The following PKHD1 variants were observed in gnomAD, a reference collection of about 807,000 sequenced individuals.
The protein encoded by PKHD1 is fibrocystin.
Under a neutral mutation model 412.0 loss-of-function variants are expected in PKHD1, and 291 were observed. That is an observed-to-expected ratio of 0.71 (90% CI 0.64 to 0.78). The LOEUF is 0.78. Among genes scored for constraint, PKHD1 ranks in the 30% least tolerant of loss-of-function variants. PKHD1 has a pLI of 0.00. For missense variants in PKHD1, 4,825 were observed against 4,950.7 expected, an observed-to-expected ratio of 0.97 and a Z score of 0.76; for synonymous variants, 1,777 against 1,821.5, an observed-to-expected ratio of 0.98 and a Z score of 0.62.
In PKHD1 at chr6:51,906,226, G is replaced by A. The variant is rs755286726; in HGVS notation, c.6797C>T (p.Ala2266Val). ...CTTGTTTTACTTACCAACTAGCAGC[G>A]CATGACCTAAAATATTGTAGAATAC... ...SNVFYNILGH[A>V]LLVGTCTEMR... The change falls in exon 41 of 67, where the codon GCG becomes GTG. Residue 2266 changes from alanine to valine, a missense_variant. By Grantham distance (64) the Ala-to-Val change is moderately conservative (BLOSUM62 0). Coordinates refer to ENST00000371117, the MANE Select transcript of PKHD1 (RefSeq NM_138694.4). The A allele has an allele frequency of 4.0e-5, 64 of 1,611,388 alleles. No individual in the cohort carries two copies. Among genetic ancestry groups the A allele is most frequent in the South Asian group, 2.0e-4 (18 of 91,036 alleles).
intron 35 of PKHD1, among the ~76,000 whole-genome samples, chr6:51,993,745 T>TG (rs1797332403): frequency 1.3e-5 from 2 of 152,140 alleles, no homozygotes; most frequent in African/African-American, 4.8e-5. Context: ...CAAAGTTAAT[T>TG]GGGGGATGAT....
chr6:51,729,700 C>A (rs1241339955), intron 60 of PKHD1, among the ~76,000 whole-genome samples: 1 of 152,058 alleles, frequency 6.6e-6, no homozygotes, highest in Non-Finnish European at 1.5e-5. Context: ...CCACATTTTC[C>A]CCAACACTGC....
intron 60 of PKHD1, among the ~76,000 whole-genome samples, chr6:51,732,440 A>T (rs1199367798): frequency 6.6e-6 from 1 of 152,212 alleles, no homozygotes; most frequent in South Asian, 2.1e-4. Context: ...AAGATTCAAC[A>T]ATAACAAAAA....
rs760921148 is a variant in PKHD1 at position 51,903,989 on chromosome 6, CT to C, written c.6861del (p.Asp2288MetfsTer9). 6.4e-7 allele frequency: 1 copy of C among 1,569,026 alleles called. No individual in the cohort carries two copies. Among genetic ancestry groups the C allele is most frequent in the African/African-American group, 1.4e-5 (1 of 73,880 alleles). ...YISWEAIHGR[K>X]DDWSGHGNII... ...TAAAATCAATTTACATATTTACCAT[CT>C]TTCCTTCCATGAATTGCCTCCCAGG... is the stretch of plus-strand genomic sequence containing the variant. On this transcript the variant is annotated frameshift_variant, in exon 42 of 67. Coordinates refer to ENST00000371117, the MANE Select transcript of PKHD1 (RefSeq NM_138694.4). LOFTEE classifies it high-confidence loss of function.
chr6:51,656,844 C>T (rs957536109), intron 61 of PKHD1, among the ~76,000 whole-genome samples: 4 of 151,524 alleles, frequency 2.6e-5, no homozygotes, highest in East Asian at 2.0e-4. Context: ...TTTGTAGAGA[C>T]GGGGTTTCAC....
chr6:51,898,344 C>G (rs1401096893), intron 43 of PKHD1, among the ~76,000 whole-genome samples: 1 of 147,454 alleles, frequency 6.8e-6, no homozygotes, highest in African/African-American at 2.5e-5. Context: ...CAAACTAGAA[C>G]TCAGGATTAA....
chr6:52,013,635 C>T (rs1162654424), intron 34 of PKHD1, among the ~76,000 whole-genome samples: 1 of 149,682 alleles, frequency 6.7e-6, no homozygotes. Context: ...AATATATGTA[C>T]AGATACAGAT....
chr6:51,668,409 T>G (rs1382668991), intron 60 of PKHD1, among the ~76,000 whole-genome samples: 1 of 152,250 alleles, frequency 6.6e-6, no homozygotes, highest in Non-Finnish European at 1.5e-5. Flanking sequence ...TCCTGAGACT[T>G]TGCTGAATTT....
intron 65 of PKHD1, among the ~76,000 whole-genome samples, chr6:51,632,184 T>C (rs1471580357): frequency 6.6e-6 from 1 of 152,026 alleles, no homozygotes; most frequent in Non-Finnish European, 1.5e-5. Context: ...CCTCAGGTGA[T>C]CCACCCACCT....
intron 55 of PKHD1, among the ~76,000 whole-genome samples, chr6:51,761,775 C>T (rs1788056167): frequency 6.6e-6 from 1 of 151,856 alleles, no homozygotes; most frequent in Non-Finnish European, 1.5e-5. Context: ...GAAAGGATAA[C>T]AGGACAAAGA....
At chr6:51,775,144 C>T (rs1790796295) in intron 54 of PKHD1, among the ~76,000 whole-genome samples, 1 of 151,360 alleles carries the variant, frequency 6.6e-6, no homozygotes, top group Non-Finnish European at 1.5e-5. Flanking sequence ...CTTATTTCAA[C>T]TATTATATAA....
rs9370061 is a variant in PKHD1 at position 51,807,471 on chromosome 6, A to G, written c.8303-16098T>C. Among the ~76,000 whole-genome samples, 674 of 115,782 alleles carry G rather than the reference A, an allele frequency of 5.8e-3. 13 individuals carry two copies. Among genetic ancestry groups the G allele is most frequent in the African/African-American group, 0.012 (331 of 27,678 alleles). 76.0% of individuals were successfully genotyped at this position (115,782 alleles called of 152,430 possible). ...AAAAAAAAAAAAAATATATATATAT[A>G]TATATATATGTATATGTGTGTGTGT... On this transcript the variant is annotated intron_variant, in intron 52 of 66. Transcript: ENST00000371117.
chr6:51,909,238 T>C, intron 40 of PKHD1, 45 bp downstream of exon 40: 1 of 1,436,662 alleles, frequency 7.0e-7, no homozygotes, highest in Middle Eastern at 1.8e-4. Flanking sequence ...GCCTTAAACA[T>C]GGGAGAAAGA....
At chr6:52,073,572 G>A (rs748140905) in intron 6 of PKHD1, 31 bp from the exon 7 acceptor site, 2 of 1,259,496 alleles carry the variant, frequency 1.6e-6, no homozygotes, top group Admixed American at 3.4e-5. Flanking sequence ...TTAATTTAAT[G>A]GACTTAGCTC....
At position 51,801,082 on chromosome 6, in the gene PKHD1, T is replaced by C. The variant is rs9395724; in HGVS notation, c.8303-9709A>G. Among the ~76,000 whole-genome samples the C allele has an allele frequency of 1.3e-3, 193 of 152,350 alleles. 4 individuals carry two copies. The East Asian group carries it at 0.036, about 29-fold the overall frequency. On this transcript the variant is annotated intron_variant, in intron 52 of 66. Transcript: ENST00000371117. ...TTCCTTTGTAGAAAGAAAATATTTTTAGCTCCAAAGTGACTGCTTTAAATA... is the reference window on the plus strand; with the variant it reads ...TTCCTTTGTAGAAAGAAAATATTTTCAGCTCCAAAGTGACTGCTTTAAATA...
At chr6:51,970,736 C>G (rs1793553695) in intron 35 of PKHD1, among the ~76,000 whole-genome samples, 1 of 152,120 alleles carries the variant, frequency 6.6e-6, no homozygotes, top group Admixed American at 6.5e-5. Flanking sequence ...TTTTTGTTGG[C>G]TTTGTCAAAG....
At chr6:52,058,182 C>A in intron 16 of PKHD1, 141 bp downstream of exon 16, 1 of 759,710 alleles carries the variant, frequency 1.3e-6, no homozygotes, top group Non-Finnish European at 2.3e-6. Context: ...CTTCACAATG[C>A]TGTTAAAGAG....
At chr6:52,017,688 G>A (rs1002136146) in intron 33 of PKHD1, 59 bp from the exon 34 acceptor site, 6 of 1,327,762 alleles carry the variant, frequency 4.5e-6, no homozygotes, top group East Asian at 2.3e-5. Flanking sequence ...GCCTCTAGTC[G>A]GTTTCACAAA....
chr6:51,718,670 A>G (rs909160831), intron 60 of PKHD1, among the ~76,000 whole-genome samples: 8 of 152,212 alleles, frequency 5.3e-5, no homozygotes, highest in Admixed American at 1.3e-4. Context: ...TCTATAGATA[A>G]ATAGAGATGG....
Sources: allele counts gnomAD v4.1 joint callset (sites outside exome capture counted in the v4.1 genomes callset), GRCh38; gene constraint gnomAD v4.1.1; transcripts MANE v1.5; gene names NCBI Gene and HGNC (gene_info 2026-07-23, HGNC 2026-07-21).